FAM13A: variants seen among roughly 807,000 people sequenced by gnomAD.
FAM13A encodes the protein family with sequence similarity 13 member A, also known as protein FAM13A.
FAM13A carries 76 observed loss-of-function variants against 129.6 expected under a neutral mutation model. That is an observed-to-expected ratio of 0.59 (90% CI 0.49 to 0.71). The LOEUF (loss-of-function observed/expected upper bound fraction) is 0.71. Ranked by LOEUF, FAM13A falls within the 30% of genes least tolerant of loss-of-function variation. The pLI, the probability that FAM13A is intolerant of heterozygous loss-of-function variation, is 0.00. For missense variants in FAM13A, 1,108 were observed against 1,249.3 expected, an observed-to-expected ratio of 0.89 and a Z score of 1.70; for synonymous variants, 443 against 449.9, an observed-to-expected ratio of 0.98 and a Z score of 0.20.
rs771957967 is a variant in FAM13A, at chr4:88,851,128, T to G, written c.899A>C (p.Glu300Ala). 25 of 1,613,640 alleles carry G rather than the reference T, an allele frequency of 1.5e-5. 1 individual carries two copies. The South Asian group carries it at 1.8e-4, about 11-fold the overall frequency. ...SIQAHRVLQP[E>A]LSDGIPQLSL... ...GAGCTGAGGAATGCCATCAGATAGCTCTGGTTGCAGTACTCTGTGGGCCTG... is the reference window on the plus strand; with the variant it reads ...GAGCTGAGGAATGCCATCAGATAGCGCTGGTTGCAGTACTCTGTGGGCCTG... The change falls in exon 7 of 24, where the codon GAG becomes GCG. Residue 300 changes from glutamate to alanine, a missense_variant. Physicochemically the swap from Glu to Ala is moderately radical, Grantham distance 107. Around this residue, in one of 3 missense-constraint regions of FAM13A, gnomAD observed 566 missense variants for 595.7 expected, o/e 0.95. Transcript: ENST00000264344.
At chr4:88,810,162 G>T (rs944625196) in intron 7 of FAM13A, among the ~76,000 whole-genome samples, 3 of 151,910 alleles carry the variant, frequency 2.0e-5, no homozygotes, top group Admixed American at 2.0e-4. Context: ...AACAGTAAGA[G>T]GTATTATTCT....
chr4:88,731,492 T>G, intron 22 of FAM13A, 64 bp from the exon 23 acceptor site: 1 of 950,368 alleles, frequency 1.1e-6, no homozygotes, highest in Non-Finnish European at 1.6e-6. Context: ...ATGTGATGAA[T>G]GTGTAACTCA....
At chr4:88,818,724 C>T (rs1731282116) in intron 7 of FAM13A, among the ~76,000 whole-genome samples, 1 of 152,180 alleles carries the variant, frequency 6.6e-6, no homozygotes, top group African/African-American at 2.4e-5. Context: ...GCTTTTAACT[C>T]CCTCCCAGAC....
chr4:88,885,732 T>C (rs1272193550), intron 6 of FAM13A, among the ~76,000 whole-genome samples: 1 of 148,672 alleles, frequency 6.7e-6, no homozygotes, highest in Non-Finnish European at 1.5e-5. Context: ...ACCCACAGAG[T>C]GGGAGAAAAT....
At chr4:88,736,363 C>G (rs1039430307) in intron 21 of FAM13A, 1 of 152,118 alleles carries the variant, frequency 6.6e-6, no homozygotes, top group Non-Finnish European at 1.5e-5. Flanking sequence ...TACCTTACCT[C>G]AGACAAGAAA....
intron 5 of FAM13A, among the ~76,000 whole-genome samples, chr4:88,918,880 G>A (rs930611814): frequency 6.6e-6 from 1 of 152,104 alleles, no homozygotes. Context: ...TTCTAGGCCT[G>A]GCCATAAAAA....
chr4:88,820,486 T>C (rs1428519688), intron 7 of FAM13A, among the ~76,000 whole-genome samples: 1 of 152,214 alleles, frequency 6.6e-6, no homozygotes, highest in Non-Finnish European at 1.5e-5. Context: ...TGTTTTGTTT[T>C]AATAGGTAAA....
chr4:88,859,291 C>G (rs1033518392), intron 6 of FAM13A, among the ~76,000 whole-genome samples: 16 of 152,160 alleles, frequency 1.1e-4, no homozygotes, highest in African/African-American at 3.6e-4. Flanking sequence ...ACTGGTGACC[C>G]AGGAGAGGGA....
At chr4:88,972,353 T>C (rs1377349449) in intron 4 of FAM13A, among the ~76,000 whole-genome samples, 3 of 150,098 alleles carry the variant, frequency 2.0e-5, no homozygotes, top group Non-Finnish European at 3.0e-5. Flanking sequence ...TCAGGCTGGA[T>C]TGCAGTGGTG....
At chr4:88,910,851 C>T (rs140074542) in intron 5 of FAM13A, among the ~76,000 whole-genome samples, 2,002 of 151,964 alleles carry the variant, frequency 0.013, 41 homozygotes, top group African/African-American at 0.046. Flanking sequence ...GGTTTCACCA[C>T]GTTGGCCAGG....
chr4:88,775,262 A>G (rs1262729623), intron 11 of FAM13A, among the ~76,000 whole-genome samples: 2 of 152,208 alleles, frequency 1.3e-5, no homozygotes, highest in Non-Finnish European at 2.9e-5. Flanking sequence ...GAGGAGGCCA[A>G]GAACTAGATG....
Position 88,767,608 on chromosome 4 carries a change from G to T in FAM13A, c.1536-13C>A. 6.3e-7 allele frequency: 1 copy of T among 1,580,916 alleles called. No individual in the cohort carries two copies. On this transcript the variant is annotated splice_polypyrimidine_tract_variant and intron_variant, in intron 12 of 23. Transcript: ENST00000264344. ...TTCATTTCCTTTCCTATAAATAATG[G>T]CAACAACAAAAAAATCATAAAATAT...
intron 3 of FAM13A, among the ~76,000 whole-genome samples, chr4:89,009,363 C>T (rs911965304): frequency 2.0e-5 from 3 of 152,180 alleles, no homozygotes; most frequent in South Asian, 2.1e-4. Flanking sequence ...CTCCCTTCAA[C>T]GCCACTACCT....
At chr4:88,970,837 A>C (rs1431761735) in intron 4 of FAM13A, among the ~76,000 whole-genome samples, 3 of 152,208 alleles carry the variant, frequency 2.0e-5, no homozygotes, top group African/African-American at 7.2e-5. Context: ...GATAATAAAA[A>C]TGAGATGAAA....
At chr4:88,921,492 A>G (rs1283479898) in intron 5 of FAM13A, among the ~76,000 whole-genome samples, 1 of 152,190 alleles carries the variant, frequency 6.6e-6, no homozygotes, top group African/African-American at 2.4e-5. Context: ...TTTACAGACA[A>G]GCAAATGTTG....
At chr4:89,001,357 C>A (rs1306873990) in intron 3 of FAM13A, among the ~76,000 whole-genome samples, 1 of 152,108 alleles carries the variant, frequency 6.6e-6, no homozygotes, top group Non-Finnish European at 1.5e-5. Flanking sequence ...ACGTAGACAT[C>A]AAACCTTTAA....
intron 6 of FAM13A, among the ~76,000 whole-genome samples, chr4:88,893,292 G>A (rs943075128): frequency 6.6e-6 from 1 of 152,126 alleles, no homozygotes. Context: ...ACAAAGAAAC[G>A]AAAAGGTCCA....
At chr4:88,759,045 T>A (rs766550228) in intron 13 of FAM13A, 144 bp from the exon 14 acceptor site, 26 of 816,618 alleles carry the variant, frequency 3.2e-5, no homozygotes, top group Non-Finnish European at 4.9e-5. Flanking sequence ...CATGGCTTGA[T>A]GCCCCCCGGA....
At chr4:89,006,054 G>C (rs551454036) in intron 3 of FAM13A, among the ~76,000 whole-genome samples, 1 of 152,282 alleles carries the variant, frequency 6.6e-6, no homozygotes, top group East Asian at 1.9e-4. Flanking sequence ...TTACATTTAA[G>C]TCTGTAATCC....
Sources: gnomAD v4.1 joint callset for allele counts (sites outside exome capture counted in the v4.1 genomes callset) on GRCh38, gnomAD v4.1.1 for gene constraint, gnomAD v4.1.1 regional missense constraint, MANE v1.5 for transcripts, NCBI Gene and HGNC (gene_info 2026-07-23, HGNC 2026-07-21) for gene names.